The following SLIT3 variants were observed in gnomAD, a reference collection of about 807,000 sequenced individuals.
SLIT3 encodes the protein slit homolog 3 protein.
A neutral mutation model predicts 184.0 loss-of-function variants in SLIT3; 68 were observed. The observed-to-expected ratio is 0.37, with a 90% confidence interval of 0.30 to 0.45. The LOEUF (loss-of-function observed/expected upper bound fraction) is 0.45, where lower values mean the gene tolerates loss of function less well. SLIT3 is among the 20% of genes least tolerant of loss of function. The pLI, the probability that SLIT3 is intolerant of heterozygous loss-of-function variation, is 1.00. For synonymous variants in SLIT3, 831 were observed against 828.6 expected (o/e 1.00, Z -0.05); for missense variants, 1,707 against 2,026.0 (o/e 0.84, Z 3.02).
At chr5:168,892,424 C>A (rs1760502551) in intron 4 of SLIT3, among the ~76,000 whole-genome samples, 1 of 152,140 alleles carries the variant, frequency 6.6e-6, no homozygotes, top group African/African-American at 2.4e-5. Flanking sequence ...AGCTACGCAG[C>A]ATCTCATTGC....
intron 34 of SLIT3, 147 bp downstream of exon 34, chr5:168,671,051 C>G: frequency 9.1e-6 from 8 of 880,356 alleles, no homozygotes; most frequent in Non-Finnish European, 1.4e-5. Flanking sequence ...GCCTCTTGAC[C>G]TCTTAAGCAG....
chr5:168,855,305 T>G (rs1195949233), intron 5 of SLIT3, among the ~76,000 whole-genome samples: 2 of 152,134 alleles, frequency 1.3e-5, no homozygotes, highest in African/African-American at 2.4e-5. Flanking sequence ...TGGAAAACAG[T>G]TTGGTGGTTC....
intron 9 of SLIT3, among the ~76,000 whole-genome samples, chr5:168,795,850 T>C (rs889890734): frequency 5.9e-5 from 9 of 152,104 alleles, no homozygotes; most frequent in African/African-American, 2.2e-4. Flanking sequence ...TATTATAAAC[T>C]GCTTTTGGCA....
At chr5:169,035,606 A>G (rs28572216) in intron 4 of SLIT3, among the ~76,000 whole-genome samples, 13,932 of 148,494 alleles carry the variant, frequency 0.094, 1,055 homozygotes, top group African/African-American at 0.21. Flanking sequence ...CCAAGATCGC[A>G]CCACTGCACT....
At chr5:168,912,598 C>T (rs1761285808) in intron 4 of SLIT3, among the ~76,000 whole-genome samples, 1 of 152,190 alleles carries the variant, frequency 6.6e-6, no homozygotes, top group South Asian at 2.1e-4. Flanking sequence ...TTACTGTTTC[C>T]TCCCCTACAT....
intron 1 of SLIT3, among the ~76,000 whole-genome samples, chr5:169,257,065 T>C (rs1424672055): frequency 6.6e-6 from 1 of 152,134 alleles, no homozygotes; most frequent in East Asian, 1.9e-4. Context: ...CTATGAATGA[T>C]AATCGTGGAC....
intron 28 of SLIT3, among the ~76,000 whole-genome samples, chr5:168,695,448 A>G (rs1484516777): frequency 6.6e-6 from 1 of 152,196 alleles, no homozygotes; most frequent in Non-Finnish European, 1.5e-5. Context: ...GTATCATGGT[A>G]CACCAAGAAG....
intron 4 of SLIT3, among the ~76,000 whole-genome samples, chr5:169,070,797 C>CAAAAAAAAAAAAAAAAAAAA (rs34764320): frequency 8.6e-6 from 1 of 116,070 alleles, no homozygotes. Flanking sequence ...ACATTTTCCT[C>CAAAAAAAAAAAAAAAAAAAA]AAAAAAAAAA....
intron 4 of SLIT3, among the ~76,000 whole-genome samples, chr5:169,134,818 C>G (rs1331865884): frequency 6.6e-6 from 1 of 152,324 alleles, no homozygotes; most frequent in Middle Eastern, 3.4e-3. Context: ...CTTGGCTAGG[C>G]CCCTCCGTGG....
At chr5:169,077,342 C>G (rs1346829622) in intron 4 of SLIT3, among the ~76,000 whole-genome samples, 1 of 151,982 alleles carries the variant, frequency 6.6e-6, no homozygotes, top group Non-Finnish European at 1.5e-5. Context: ...TCAAGACCAG[C>G]CTGGCCAAGA....
At chr5:168,766,547 C>A (rs1755351907) in intron 14 of SLIT3, among the ~76,000 whole-genome samples, 1 of 152,216 alleles carries the variant, frequency 6.6e-6, no homozygotes, top group African/African-American at 2.4e-5. Flanking sequence ...CCTTTGGAGT[C>A]TATTATGAGT....
intron 5 of SLIT3, among the ~76,000 whole-genome samples, chr5:168,875,099 G>A (rs959314642): frequency 1.3e-5 from 2 of 150,080 alleles, no homozygotes; most frequent in Non-Finnish European, 3.0e-5. Flanking sequence ...AAAGAAGGGA[G>A]GAAGCGGGGG....
At chr5:169,128,158 T>G (rs1761150707) in intron 4 of SLIT3, among the ~76,000 whole-genome samples, 1 of 151,018 alleles carries the variant, frequency 6.6e-6, no homozygotes, top group Non-Finnish European at 1.5e-5. Flanking sequence ...TATAATGTTC[T>G]TTAAAAAGCA....
chr5:168,679,324 C>T (rs1048315803), intron 32 of SLIT3, among the ~76,000 whole-genome samples: 15 of 152,158 alleles, frequency 9.9e-5, no homozygotes, highest in African/African-American at 3.4e-4. Context: ...TCCAAGAATG[C>T]TGGAGTTACA....
At chr5:169,068,397 G>A (rs974631810) in intron 4 of SLIT3, among the ~76,000 whole-genome samples, 6 of 152,134 alleles carry the variant, frequency 3.9e-5, no homozygotes, top group Admixed American at 6.5e-5. Flanking sequence ...GCCAGGTATC[G>A]AGCTAGGTGC....
At chr5:168,951,957 A>G (rs1184537637) in intron 4 of SLIT3, among the ~76,000 whole-genome samples, 1 of 152,116 alleles carries the variant, frequency 6.6e-6, no homozygotes, top group Non-Finnish European at 1.5e-5. Flanking sequence ...GGTCACTCTG[A>G]CTTCCCTCAT....
At chr5:169,207,077 G>T (rs1200997373) in intron 3 of SLIT3, among the ~76,000 whole-genome samples, 2 of 151,138 alleles carry the variant, frequency 1.3e-5, no homozygotes, top group Non-Finnish European at 2.9e-5. Context: ...TCCAGCACGG[G>T]AAGGATTTCT....
At chr5:168,822,821 T>C (rs1757576509) in intron 7 of SLIT3, among the ~76,000 whole-genome samples, 1 of 152,184 alleles carries the variant, frequency 6.6e-6, no homozygotes, top group South Asian at 2.1e-4. Context: ...TCTCCTGTAC[T>C]GTCATTCCTC....
At chr5:169,096,222 C>T (rs1314443348) in intron 4 of SLIT3, among the ~76,000 whole-genome samples, 1 of 152,222 alleles carries the variant, frequency 6.6e-6, no homozygotes, top group Non-Finnish European at 1.5e-5. Flanking sequence ...TTCACTGCCA[C>T]AGTGTAAGTA....
Sources: allele counts gnomAD v4.1 joint callset (sites outside exome capture counted in the v4.1 genomes callset), GRCh38; gene constraint gnomAD v4.1.1; transcripts MANE v1.5; gene names NCBI Gene and HGNC (gene_info 2026-07-23, HGNC 2026-07-21).